Variants in GDPD4 observed in about 807,000 individuals in gnomAD.
The protein encoded by GDPD4 is glycerophosphodiester phosphodiesterase domain containing 4.
Under a neutral mutation model 67.8 loss-of-function variants are expected in GDPD4, and 60 were observed. The ratio of observed to expected loss-of-function variants is 0.88; its 90% CI spans 0.72 to 1.10. The LOEUF (loss-of-function observed/expected upper bound fraction) is 1.10. GDPD4 is among the 50% of genes least tolerant of loss of function. The probability of loss-of-function intolerance (pLI) is 0.00; values close to 1 mark genes in which losing one functional copy is unlikely to be tolerated. For synonymous variants in GDPD4, 212 were observed against 210.9 expected, an observed-to-expected ratio of 1.00 and a Z score of -0.04; for missense variants, 623 against 613.9, an observed-to-expected ratio of 1.01 and a Z score of -0.16.
chr11:77,234,288 G>A (rs1404477091), intron 13 of GDPD4, among the ~76,000 whole-genome samples: 3 of 151,970 alleles, frequency 2.0e-5, no homozygotes. Context: ...AATAAAATTA[G>A]GAAAAAATAG....
intron 3 of GDPD4, 141 bp from the exon 4 acceptor site, chr11:77,279,540 T>TTTTTTTTTTTTTTTTTTTTTTGA: frequency 1.9e-6 from 1 of 520,158 alleles, no homozygotes; most frequent in Non-Finnish European, 3.6e-6. Context: ...CAGCAGCTTT[T>TTTTTTTTTTTTTTTTTTTTTTGA]GCGGATAATT....
At chr11:77,221,923 G>C (rs566351025) in intron 16 of GDPD4, among the ~76,000 whole-genome samples, 2 of 152,142 alleles carry the variant, frequency 1.3e-5, no homozygotes, top group East Asian at 3.9e-4. Flanking sequence ...CTCCTGTATT[G>C]GGTGCATATA....
At chr11:77,282,108 A>G (rs936823141) in intron 3 of GDPD4, among the ~76,000 whole-genome samples, 1 of 152,218 alleles carries the variant, frequency 6.6e-6, no homozygotes, top group African/African-American at 2.4e-5. Context: ...CTCAGAAGTT[A>G]TAAGTGTCTG....
chr11:77,231,871 C>T (rs1467873755), intron 14 of GDPD4, among the ~76,000 whole-genome samples: 2 of 152,160 alleles, frequency 1.3e-5, no homozygotes, highest in Non-Finnish European at 2.9e-5. Flanking sequence ...GACCTGCCAT[C>T]CAAAGCTCCC....
At chr11:77,281,627 G>T (rs1565541367) in intron 3 of GDPD4, among the ~76,000 whole-genome samples, 1 of 152,200 alleles carries the variant, frequency 6.6e-6, no homozygotes, top group Non-Finnish European at 1.5e-5. Context: ...TCTCTAGAAG[G>T]ATTGGCTGAG....
At chr11:77,233,811 AAAAT>A (rs1464826710) in intron 13 of GDPD4, among the ~76,000 whole-genome samples, 5 of 152,240 alleles carry the variant, frequency 3.3e-5, no homozygotes, top group South Asian at 2.1e-4. Context: ...ATTAATTGAA[AAAAT>A]AAATAAATGA....
chr11:77,241,692 C>G (rs2135840854), intron 13 of GDPD4, among the ~76,000 whole-genome samples: 1 of 141,874 alleles, frequency 7.0e-6, no homozygotes, highest in South Asian at 2.3e-4. Context: ...CACCTGTAAT[C>G]CCAACACTTT....
In GDPD4 at chr11:77,216,657, A is replaced by G; in HGVS notation, c.*620T>C. On this transcript the variant is annotated 3_prime_UTR_variant, in exon 17 of 17. Transcript: ENST00000315938. ...GATAAACCTGACAGCAACCAGTTCC[A>G]AGACCACACACAGCAGTTTTCCCCT... 1 of 489,776 alleles carries G rather than the reference A, an allele frequency of 2.0e-6. No individual in the cohort carries two copies. 30.3% of individuals were successfully genotyped at this position (489,776 alleles called of 1,614,324 possible).
chr11:77,241,152 C>T (rs1182501753), intron 13 of GDPD4, among the ~76,000 whole-genome samples: 1 of 152,184 alleles, frequency 6.6e-6, no homozygotes, highest in Non-Finnish European at 1.5e-5. Flanking sequence ...ACACTATTCA[C>T]AGTAGCCAAG....
At chr11:77,230,638 A>C (rs996877950) in intron 14 of GDPD4, among the ~76,000 whole-genome samples, 1 of 152,236 alleles carries the variant, frequency 6.6e-6, no homozygotes, top group African/African-American at 2.4e-5. Context: ...CAGCAGAAAT[A>C]TCCTCAAAGA....
intron 13 of GDPD4, among the ~76,000 whole-genome samples, chr11:77,242,242 G>A (rs968860432): frequency 6.6e-6 from 1 of 152,010 alleles, no homozygotes; most frequent in Non-Finnish European, 1.5e-5. Context: ...TCCATATTGT[G>A]TAAATATATT....
At chr11:77,220,709 G>T (rs1958209588) in intron 16 of GDPD4, among the ~76,000 whole-genome samples, 1 of 152,164 alleles carries the variant, frequency 6.6e-6, no homozygotes. Context: ...TCAGGATGAT[G>T]CTGGCCTCAT....
chr11:77,246,783 G>C (rs1390786463), intron 11 of GDPD4, among the ~76,000 whole-genome samples: 1 of 152,094 alleles, frequency 6.6e-6, no homozygotes, highest in Non-Finnish European at 1.5e-5. Context: ...CTCTTGGTGG[G>C]AACTGTCATA....
At chr11:77,282,973 T>C (rs1195826296) in intron 3 of GDPD4, among the ~76,000 whole-genome samples, 5 of 152,210 alleles carry the variant, frequency 3.3e-5, no homozygotes, top group African/African-American at 1.2e-4. Context: ...TTAGTTATTA[T>C]ACAAAATAGT....
intron 1 of GDPD4, among the ~76,000 whole-genome samples, chr11:77,301,351 C>T (rs1291533746): frequency 6.6e-6 from 1 of 152,124 alleles, no homozygotes; most frequent in African/African-American, 2.4e-5. Flanking sequence ...CCAGGATTGG[C>T]ATAGTCGAAG....
At chr11:77,235,009 G>GTTTTGTTTTTTTTTT (rs1958524851) in intron 13 of GDPD4, among the ~76,000 whole-genome samples, 1 of 52,254 alleles carries the variant, frequency 1.9e-5, no homozygotes, top group Non-Finnish European at 3.7e-5. Context: ...GTCAATATCT[G>GTTTTGTTTTTTTTTT]TTTTTTTTTT....
Position 77,217,261 on chromosome 11 carries a change from G to A in GDPD4, c.*16C>T, listed in dbSNP as rs376154107. On this transcript the variant is annotated 3_prime_UTR_variant, in exon 17 of 17. Transcript: ENST00000315938. ...CTCGGACAGGAGGTTTCATGGCTATGTGCAAATCTATCTATCTATCTATCT... is the reference window on the plus strand; with the variant it reads ...CTCGGACAGGAGGTTTCATGGCTATATGCAAATCTATCTATCTATCTATCT... The A allele has an allele frequency of 5.7e-6, 9 of 1,591,890 alleles. No individual in the cohort carries two copies. Among genetic ancestry groups the A allele is most frequent in the Non-Finnish European group, 7.8e-6 (9 of 1,159,844 alleles).
rs1958406008 is a variant in GDPD4, at chr11:77,229,189, A to G, written c.1433T>C (p.Ile478Thr). Reference sequence around the variant, plus strand: ...TATGGCAACAATAAAAAGCACAGAAATGATATCTGCAAGGAGCCACATGAA... The same window carrying G: ...TATGGCAACAATAAAAAGCACAGAAGTGATATCTGCAAGGAGCCACATGAA... ...YVFMWLLADI[I>T]SVLFIVAIFC... is the part of the protein sequence containing the mutation. The change falls in exon 15 of 17, where the codon ATT (isoleucine) becomes ACT (threonine). Residue 478 changes from isoleucine to threonine, a missense_variant. Coordinates refer to ENST00000315938, the MANE Select transcript of GDPD4 (RefSeq NM_182833.3). 1 of 1,609,212 alleles carries G rather than the reference A, an allele frequency of 6.2e-7. No homozygotes were observed. Among genetic ancestry groups the G allele is most frequent in the Non-Finnish European group, 8.5e-7 (1 of 1,176,708 alleles).
At chr11:77,227,033 T>C (rs1284892471) in intron 16 of GDPD4, among the ~76,000 whole-genome samples, 1 of 152,202 alleles carries the variant, frequency 6.6e-6, no homozygotes, top group Non-Finnish European at 1.5e-5. Flanking sequence ...CAACTTTAAT[T>C]AAGTCTCCAG....
Sources: gnomAD v4.1 joint callset for allele counts (sites outside exome capture counted in the v4.1 genomes callset) on GRCh38, gnomAD v4.1.1 for gene constraint, MANE v1.5 for transcripts, NCBI Gene and HGNC (gene_info 2026-07-23, HGNC 2026-07-21) for gene names.